SHISA9: variants seen among roughly 807,000 people sequenced by gnomAD.
SHISA9 encodes shisa family member 9.
A neutral mutation model predicts 38.0 loss-of-function variants in SHISA9; 13 were observed. That is an observed-to-expected ratio of 0.34 (90% CI 0.22 to 0.54). The LOEUF (loss-of-function observed/expected upper bound fraction) is 0.54. Ranked by LOEUF, SHISA9 falls within the 20% of genes least tolerant of loss-of-function variation. The pLI is 0.91. For missense variants in SHISA9, 538 were observed against 575.8 expected (o/e 0.93, Z 0.67); for synonymous variants, 275 against 242.0 (o/e 1.14, Z -1.27).
At chr16:13,106,387 G>T (rs568041364) in intron 2 of SHISA9, among the ~76,000 whole-genome samples, 1 of 152,242 alleles carries the variant, frequency 6.6e-6, no homozygotes, top group African/African-American at 2.4e-5. Context: ...TACTAGCTCT[G>T]TGGCTTTGGG....
the SHISA9 span, among the ~76,000 whole-genome samples, chr16:13,529,660 A>T: frequency 6.6e-6 from 1 of 152,168 alleles, no homozygotes; most frequent in African/African-American, 2.4e-5. Context: ...TCCTTGCAAT[A>T]TGTGACAGAG....
chr16:13,476,644 A>C, the SHISA9 span, among the ~76,000 whole-genome samples: 1 of 150,724 alleles, frequency 6.6e-6, no homozygotes, highest in Non-Finnish European at 1.5e-5. Context: ...ACACCCAGGG[A>C]TCAGGACTCT....
chr16:13,438,952 T>A, the SHISA9 span, among the ~76,000 whole-genome samples: 3 of 152,134 alleles, frequency 2.0e-5, no homozygotes, highest in Non-Finnish European at 4.4e-5. Context: ...GAAACGTAGG[T>A]CATTCTTGGG....
the SHISA9 span, among the ~76,000 whole-genome samples, chr16:13,353,909 G>A: frequency 6.6e-6 from 1 of 152,044 alleles, no homozygotes. Flanking sequence ...CATCTGTTAT[G>A]AGACTGTATT....
chr16:13,384,906 A>G, the SHISA9 span, among the ~76,000 whole-genome samples: 34 of 152,216 alleles, frequency 2.2e-4, no homozygotes, highest in African/African-American at 8.2e-4. Flanking sequence ...CTGGGAGAAA[A>G]TATTTGAAAA....
intron 2 of SHISA9, among the ~76,000 whole-genome samples, chr16:12,975,535 G>A (rs964676206): frequency 6.6e-6 from 1 of 151,264 alleles, no homozygotes; most frequent in Non-Finnish European, 1.5e-5. Flanking sequence ...AGAGTTATTA[G>A]CTCTGTCAGA....
chr16:13,138,078 T>A (rs868646716), intron 2 of SHISA9, among the ~76,000 whole-genome samples: 6 of 152,160 alleles, frequency 3.9e-5, no homozygotes, highest in Admixed American at 1.3e-4. Flanking sequence ...AGAATTTGCA[T>A]TTATGCACAC....
At chr16:13,433,175 A>G in the SHISA9 span, among the ~76,000 whole-genome samples, 1 of 152,172 alleles carries the variant, frequency 6.6e-6, no homozygotes, top group Non-Finnish European at 1.5e-5. Flanking sequence ...AATGCTTACC[A>G]TGTTCTTCTA....
intron 4 of SHISA9, among the ~76,000 whole-genome samples, chr16:13,234,106 T>C (rs1029879007): frequency 6.6e-6 from 1 of 152,212 alleles, no homozygotes; most frequent in Middle Eastern, 3.2e-3. Context: ...TGCTATTACA[T>C]ACAACTGTAT....
intron 2 of SHISA9, among the ~76,000 whole-genome samples, chr16:13,043,866 C>G (rs1350649736): frequency 1.3e-5 from 2 of 152,246 alleles, no homozygotes; most frequent in African/African-American, 4.8e-5. Flanking sequence ...ATTCGTTGTC[C>G]TTCTGGGGTC....
chr16:13,374,534 A>G, the SHISA9 span, among the ~76,000 whole-genome samples: 119 of 152,256 alleles, frequency 7.8e-4, no homozygotes, highest in African/African-American at 2.5e-3. Flanking sequence ...CATGGTGTAT[A>G]TGTGCCACAT....
chr16:12,916,892 G>A (rs1161649822), intron 2 of SHISA9, 77 bp downstream of exon 2: 7 of 1,476,330 alleles, frequency 4.7e-6, no homozygotes, highest in African/African-American at 2.8e-5. Context: ...ATTTCGTGGA[G>A]TGTGCTTGGG....
chr16:13,279,841 T>C, the SHISA9 span, among the ~76,000 whole-genome samples: 76 of 152,086 alleles, frequency 5.0e-4, no homozygotes, highest in African/African-American at 1.8e-3. Flanking sequence ...ATTATCTGTT[T>C]TAGTATTATG....
intron 2 of SHISA9, among the ~76,000 whole-genome samples, chr16:12,919,405 T>G (rs2071299675): frequency 6.6e-6 from 1 of 152,206 alleles, no homozygotes; most frequent in Non-Finnish European, 1.5e-5. Context: ...AACATCCAAG[T>G]TGTTAGATTT....
the SHISA9 span, among the ~76,000 whole-genome samples, chr16:13,380,383 A>C: frequency 6.6e-6 from 1 of 152,196 alleles, no homozygotes; most frequent in Non-Finnish European, 1.5e-5. Flanking sequence ...AAAAGAGAGA[A>C]ACAGCAGATC....
chr16:13,070,300 C>T (rs1057272063), intron 2 of SHISA9, among the ~76,000 whole-genome samples: 1 of 152,184 alleles, frequency 6.6e-6, no homozygotes, highest in Non-Finnish European at 1.5e-5. Flanking sequence ...CTCCCTCCCT[C>T]TCTCTTTCTC....
the SHISA9 span, among the ~76,000 whole-genome samples, chr16:13,354,154 C>G: frequency 2.8e-4 from 42 of 148,970 alleles, no homozygotes; most frequent in African/African-American, 9.7e-4. Flanking sequence ...CCTGAAGAAT[C>G]CCTGAGGAGT....
rs2051374803 is a variant in SHISA9, at chr16:13,235,511, C to T, written c.*102C>T. 1 of 1,332,676 alleles carries T rather than the reference C, an allele frequency of 7.5e-7. No homozygotes were observed. The highest frequency in any genetic ancestry group is 2.8e-5 in the Admixed American group (1 of 35,818). 82.6% of individuals were successfully genotyped at this position (1,332,676 alleles called of 1,614,324 possible). On this transcript the variant is annotated 3_prime_UTR_variant, in exon 5 of 5. Transcript: ENST00000558583. ...CATCCTCCCCTAATACATGCGTCCA[C>T]ACACTCACTCTCAACAAGAACCAAC...
chr16:13,301,567 A>G, the SHISA9 span, among the ~76,000 whole-genome samples: 2 of 152,204 alleles, frequency 1.3e-5, no homozygotes, highest in African/African-American at 4.8e-5. Context: ...GTTAATTTTT[A>G]TTAGTAGCAG....
Sources: allele counts gnomAD v4.1 joint callset (sites outside exome capture counted in the v4.1 genomes callset), GRCh38; gene constraint gnomAD v4.1.1; transcripts MANE v1.5; gene names NCBI Gene and HGNC (gene_info 2026-07-23, HGNC 2026-07-21).